CCDC88C: variants seen among roughly 807,000 people sequenced by gnomAD.
CCDC88C encodes the protein coiled-coil and HOOK domain protein 88C, also known as protein Daple.
A neutral mutation model predicts 198.8 loss-of-function variants in CCDC88C; 131 were observed. The observed-to-expected ratio is 0.66, with a 90% CI of 0.57 to 0.76. The LOEUF is 0.76. CCDC88C is among the 30% of genes least tolerant of loss of function. The pLI, the probability that CCDC88C is intolerant of heterozygous loss-of-function variation, is 0.00. For synonymous variants in CCDC88C, 1,166 were observed against 1,114.7 expected (o/e 1.05, Z -0.92); for missense variants, 2,553 against 2,631.6 (o/e 0.97, Z 0.65).
Position 91,300,029 on chromosome 14 carries a change from C to A in CCDC88C, c.3677G>T (p.Arg1226Leu). The stretch of plus-strand genomic sequence containing the variant: ...TCGCTCAGTGGTCAAGACCTTCTCC[C>A]GCTCCTCCAGCTCCGCCTTGCGCTT... ...MLKRKAELEE[R>L]EKVLTTEREA... Residue 1226 changes from arginine (R) to leucine (L), a missense_variant, in exon 21 of 30, where the codon CGG (arginine) becomes CTG (leucine). Physicochemically the swap from Arg to Leu is moderately radical, Grantham distance 102. Coordinates refer to ENST00000389857, the MANE Select transcript of CCDC88C (RefSeq NM_001080414.4). 2 of 1,605,990 alleles carry A rather than the reference C, an allele frequency of 1.2e-6. No individual in the cohort carries two copies.
rs2139741164 is a variant in CCDC88C, at chr14:91,288,875, T to G, written c.4441+230A>C. 2.2e-6 allele frequency: 1 copy of G among 445,514 alleles called. No individual in the cohort carries two copies. Among genetic ancestry groups the G allele is most frequent in the South Asian group, 3.8e-5 (1 of 26,052 alleles). The allele number at this position is 445,514 out of a possible 1,614,324, so 27.6% of individuals were successfully genotyped here. ...CTAGCCTGGGCAACAAGAGTGAAACTCCATCTCAAAAAAATTAAAATAAAA... is the reference window on the plus strand; with the variant it reads ...CTAGCCTGGGCAACAAGAGTGAAACGCCATCTCAAAAAAATTAAAATAAAA... On this transcript the variant is annotated intron_variant, in intron 25 of 29. Transcript: ENST00000389857. The surrounding 1 kb of genome is among the most constrained non-coding windows in gnomAD (Gnocchi z 4.2).
At chr14:91,396,111 C>T (rs1037623684) in intron 3 of CCDC88C, among the ~76,000 whole-genome samples, 3 of 152,138 alleles carry the variant, frequency 2.0e-5, no homozygotes, top group East Asian at 1.9e-4. Flanking sequence ...GATGCCAAGG[C>T]GAAGCAGCAG....
intron 4 of CCDC88C, among the ~76,000 whole-genome samples, chr14:91,345,048 C>G (rs1199642796): frequency 6.6e-6 from 1 of 151,326 alleles, no homozygotes; most frequent in Non-Finnish European, 1.5e-5. Context: ...CCTGCCTCAG[C>G]CTTCCAAAGT....
In CCDC88C at chr14:91,339,353, G is replaced by C. The variant is rs766581882; in HGVS notation, c.734C>G (p.Ser245Cys). ...GGCCAGGTGCTGCTTGTCTTCGCTA[G>C]AGAGGCTGCTGGTGGGGCTGGGAGT... ...DSTPSPTSSL[S>C]SEDKQHLAVE... Residue 245 changes from serine to cysteine, a missense_variant, in exon 8 of 30, where the codon TCT (serine) becomes TGT (cysteine). Ser to Cys is a moderately radical substitution (Grantham distance 112, BLOSUM62 -1). Transcript: ENST00000389857. This position sits in a 1 kb window ranked among gnomAD's most constrained non-coding sequence, Gnocchi z 5.8. 3.7e-6 allele frequency: 6 copies of C among 1,613,922 alleles called. No homozygotes were observed. In the South Asian group the frequency reaches 6.6e-5, roughly 18 times the overall value.
chr14:91,301,792 G>A (rs112053181), intron 20 of CCDC88C, among the ~76,000 whole-genome samples: 200 of 152,336 alleles, frequency 1.3e-3, no homozygotes, highest in Non-Finnish European at 2.0e-3. Context: ...AATAAGGCAC[G>A]CAAGTGCCTG....
At chr14:91,297,164 G>T in intron 22 of CCDC88C, 141 bp downstream of exon 22, 1 of 860,742 alleles carries the variant, frequency 1.2e-6, no homozygotes, top group Non-Finnish European at 1.8e-6. Context: ...TGGCTTCACC[G>T]CAGCCTCTGT....
intron 2 of CCDC88C, among the ~76,000 whole-genome samples, chr14:91,411,226 C>G (rs1446998167): frequency 6.6e-6 from 1 of 152,174 alleles, no homozygotes; most frequent in Non-Finnish European, 1.5e-5. Context: ...CCCAGCACCC[C>G]CGTAACTCCC....
At chr14:91,337,932 C>T (rs934842823) in intron 10 of CCDC88C, 73 bp downstream of exon 10, 3 of 1,571,018 alleles carry the variant, frequency 1.9e-6, no homozygotes, top group African/African-American at 1.3e-5. Context: ...CCCCCAAGGA[C>T]AGGTCAGTCT....
Position 91,401,184 on chromosome 14 carries a change from G to A in CCDC88C, c.270+7475C>T, listed in dbSNP as rs963042416. On this transcript the variant is annotated intron_variant, in intron 3 of 29. Transcript: ENST00000389857. ...GGTATACCTAGGTGTTGAGATAACA[G>A]GTGAACTTAAGTTTCTTTCTACTTC... is the stretch of plus-strand genomic sequence containing the variant. 5.2e-5 allele frequency among the ~76,000 whole-genome samples: 7 copies of A among 134,432 alleles called. No homozygotes were observed. In the Admixed American group the frequency reaches 5.6e-4, roughly 11 times the overall value. 88.2% of individuals were successfully genotyped at this position (134,432 alleles called of 152,430 possible).
Position 91,317,654 on chromosome 14 carries a change from A to G in CCDC88C, c.1528-1867T>C, listed in dbSNP as rs528854515. 2.4e-3 allele frequency among the ~76,000 whole-genome samples: 367 copies of G among 152,226 alleles called. 1 individual carries two copies. The highest frequency in any genetic ancestry group is 8.5e-3 in the African/African-American group (354 of 41,522). The stretch of plus-strand genomic sequence containing the variant: ...GGGCAGGCCAAGGACGAGAGGGAGG[A>G]GAGAGCTCCAGGCTTCAGACACAGG... On this transcript the variant is annotated intron_variant, in intron 13 of 29. Transcript: ENST00000389857.
chr14:91,296,401 C>A (rs146150209), intron 22 of CCDC88C, among the ~76,000 whole-genome samples: 1 of 152,244 alleles, frequency 6.6e-6, no homozygotes, highest in Non-Finnish European at 1.5e-5. Context: ...ACGGGGCCTG[C>A]GCTGCAGCCC....
intron 3 of CCDC88C, among the ~76,000 whole-genome samples, chr14:91,391,997 A>G (rs1885534311): frequency 6.6e-6 from 1 of 151,652 alleles, no homozygotes; most frequent in Admixed American, 6.6e-5. Context: ...AACTCTTTCC[A>G]ACTAAATCTG....
Position 91,417,753 on chromosome 14 carries a change from G to T in CCDC88C, c.-63C>A. On this transcript the variant is annotated 5_prime_UTR_variant, in exon 1 of 30. Transcript: ENST00000389857. ...CGCGTCCCCGTTCCCCCGCGCCGCGGCACAAAACGGCTCCGCAGCGAGCAG... is the reference window on the plus strand; with the variant it reads ...CGCGTCCCCGTTCCCCCGCGCCGCGTCACAAAACGGCTCCGCAGCGAGCAG... The T allele has an allele frequency of 7.5e-7, 1 of 1,338,942 alleles. No individual in the cohort carries two copies. The highest frequency in any genetic ancestry group is 9.9e-7 in the Non-Finnish European group (1 of 1,013,136). 82.9% of individuals were successfully genotyped at this position (1,338,942 alleles called of 1,614,324 possible). A position where few individuals can be genotyped will look rare whatever the true frequency, so the allele number is the denominator to read the frequency against.
intron 3 of CCDC88C, among the ~76,000 whole-genome samples, chr14:91,404,701 C>T (rs540712627): frequency 3.6e-4 from 55 of 152,232 alleles, no homozygotes; most frequent in African/African-American, 1.2e-3. Flanking sequence ...CGGTGGCTCA[C>T]GCCTGTAATC....
intron 3 of CCDC88C, among the ~76,000 whole-genome samples, chr14:91,373,611 G>A (rs1894931748): frequency 6.6e-6 from 1 of 152,164 alleles, no homozygotes; most frequent in South Asian, 2.1e-4. Flanking sequence ...CATCTAGAGA[G>A]CAAGAAACTC....
Position 91,325,469 on chromosome 14 carries a change from G to A in CCDC88C, c.1197+441C>T, listed in dbSNP as rs538654203. Among the ~76,000 whole-genome samples the A allele has an allele frequency of 2.6e-5, 4 of 152,324 alleles. No homozygotes were observed. Among genetic ancestry groups the A allele is most frequent in the South Asian group, 2.1e-4 (1 of 4,826 alleles). On this transcript the variant is annotated intron_variant, in intron 11 of 29. Transcript: ENST00000389857. This position sits in a 1 kb window ranked among gnomAD's most constrained non-coding sequence, Gnocchi z 4.1. ...ACTCCCCGCAGTCAACAAGTCATTC[G>A]TGGTAGCAGTGGCAGCAGCAACGGC...
intron 20 of CCDC88C, among the ~76,000 whole-genome samples, chr14:91,301,567 A>G (rs567078034): frequency 5.3e-5 from 8 of 152,266 alleles, no homozygotes; most frequent in Non-Finnish European, 7.4e-5. Context: ...AAATACAAAA[A>G]TTAGCCGGGT....
chr14:91,387,115 G>GC (rs1184116142), intron 3 of CCDC88C, among the ~76,000 whole-genome samples: 19 of 152,304 alleles, frequency 1.2e-4, no homozygotes, highest in African/African-American at 4.6e-4. Flanking sequence ...AGCTTTTGGC[G>GC]CAACTGTCCA....
Position 91,338,455 on chromosome 14 carries a change from C to G in CCDC88C, c.891+34G>C, listed in dbSNP as rs577316885. On this transcript the variant is annotated intron_variant, in intron 9 of 29. Transcript: ENST00000389857. This position sits in a 1 kb window ranked among gnomAD's most constrained non-coding sequence, Gnocchi z 4.8. Reference sequence around the variant, plus strand: ...TTACTGGACACTCCAGCCCTGCTACCCCCAGGACACACAGGCTCAGGCCCC... The same window carrying G: ...TTACTGGACACTCCAGCCCTGCTACGCCCAGGACACACAGGCTCAGGCCCC... 6.5e-7 allele frequency: 1 copy of G among 1,531,132 alleles called. No homozygotes were observed. Among genetic ancestry groups the G allele is most frequent in the South Asian group, 1.2e-5 (1 of 83,680 alleles). The allele number at this position is 1,531,132 out of a possible 1,614,324, so 94.8% of individuals were successfully genotyped here.
Sources: allele counts gnomAD v4.1 joint callset (sites outside exome capture counted in the v4.1 genomes callset), GRCh38; gene constraint gnomAD v4.1.1; non-coding constraint Gnocchi (gnomAD v3.1); transcripts MANE v1.5; gene names NCBI Gene and HGNC (gene_info 2026-07-23, HGNC 2026-07-21).